ANKRD36C: variants seen among roughly 807,000 people sequenced by gnomAD.
ANKRD36C encodes the protein ankyrin repeat domain-containing protein 36C.
A neutral mutation model predicts 276.4 loss-of-function variants in ANKRD36C; 61 were observed. The observed-to-expected ratio is 0.22, with a 90% CI of 0.18 to 0.27. The LOEUF (loss-of-function observed/expected upper bound fraction) is 0.27. ANKRD36C is among the 10% of genes least tolerant of loss of function. ANKRD36C has a pLI of 1.00. For synonymous variants in ANKRD36C, 483 were observed against 680.1 expected (o/e 0.71, Z 4.51); for missense variants, 1,447 against 2,032.3 (o/e 0.71, Z 5.54).
exon 17 of ANKRD36C, chr2:95,948,544 C>A (rs777614346): frequency 3.3e-6 from 5 of 1,535,436 alleles, no homozygotes; most frequent in Non-Finnish European, 3.5e-6. Flanking sequence ...GATTCCAAAG[C>A]AAACTTATCC....
intron 6 of ANKRD36C, among the ~76,000 whole-genome samples, chr2:95,968,517 T>C (rs1334263498): frequency 6.6e-6 from 1 of 152,206 alleles, no homozygotes; most frequent in Admixed American, 6.5e-5. Context: ...GTCCCCCTTA[T>C]CTGCTGTATG....
chr2:95,903,205 C>T, intron 42 of ANKRD36C, 124 bp from the exon 53 acceptor site: 1 of 1,460,420 alleles, frequency 6.8e-7, no homozygotes, highest in Non-Finnish European at 9.3e-7. Context: ...TTGATGGCTT[C>T]TACTTTGTGT....
chr2:95,895,706 C>A lies in ANKRD36C; in HGVS notation c.2755+3439G>T. The A allele has an allele frequency of 2.0e-6, 3 of 1,512,984 alleles. No individual in the cohort carries two copies. In the South Asian group the frequency reaches 3.5e-5, roughly 18 times the overall value. The allele number at this position is 1,512,984 out of a possible 1,614,324, so 93.7% of individuals were successfully genotyped here. ...TCCTGCCTGTATTAGTGGAGGCTTT[C>A]ATGGCTTCTACTTTGTCTCAGGGGA... On this transcript the variant is annotated intron_variant, in intron 44 of 66. Coordinates refer to ENST00000456556, the Ensembl canonical transcript of ANKRD36C.
intron 40 of ANKRD36C, among the ~76,000 whole-genome samples, chr2:95,913,117 C>A (rs1408295143): frequency 6.7e-6 from 1 of 149,224 alleles, no homozygotes; most frequent in Non-Finnish European, 1.5e-5. Context: ...AATATATTAG[C>A]CTCAATAAAA....
chr2:95,956,016 G>A (rs796824864), intron 13 of ANKRD36C, among the ~76,000 whole-genome samples: 5 of 150,636 alleles, frequency 3.3e-5, no homozygotes, highest in African/African-American at 1.2e-4. Context: ...TGTCATAGAA[G>A]GAAAAAAGAA....
intron 10 of ANKRD36C, among the ~76,000 whole-genome samples, chr2:95,959,734 G>A (rs943030080): frequency 6.6e-6 from 1 of 152,214 alleles, no homozygotes; most frequent in African/African-American, 2.4e-5. Flanking sequence ...CAAAGCCAAT[G>A]TATGCATATT....
chr2:95,917,582 C>G (rs986066535), intron 36 of ANKRD36C, among the ~76,000 whole-genome samples: 7 of 151,500 alleles, frequency 4.6e-5, no homozygotes, highest in African/African-American at 1.7e-4. Flanking sequence ...ATGCTGTTCC[C>G]CAGAGCCCCT....
intron 6 of ANKRD36C, among the ~76,000 whole-genome samples, chr2:95,965,566 G>A (rs1410940493): frequency 1.3e-5 from 2 of 152,142 alleles, no homozygotes; most frequent in Non-Finnish European, 2.9e-5. Flanking sequence ...AGCTATGCTT[G>A]CTAGGATTTC....
At position 95,962,443 on chromosome 2, in the gene ANKRD36C, A is replaced by C. The variant is rs1300843826; in HGVS notation, c.829-19T>G. Reference sequence around the variant, plus strand: ...TTGTAGCCTGAGTGGGATTTGAAACAAAATAATCAATACGTAAAGTATTTT... The same window carrying C: ...TTGTAGCCTGAGTGGGATTTGAAACCAAATAATCAATACGTAAAGTATTTT... On this transcript the variant is annotated intron_variant, in intron 7 of 66. Coordinates refer to ENST00000456556, the Ensembl canonical transcript of ANKRD36C. The C allele has an allele frequency of 1.3e-6, 2 of 1,582,822 alleles. No homozygotes were observed. The highest frequency in any genetic ancestry group is 8.6e-7 in the Non-Finnish European group (1 of 1,165,720).
At chr2:95,910,494 A>G (rs778720582) in intron 42 of ANKRD36C, 46 bp downstream of exon 45, 2 of 1,602,428 alleles carry the variant, frequency 1.2e-6, no homozygotes, top group East Asian at 4.5e-5. Flanking sequence ...TATGTTTCAT[A>G]GACCATACAT....
chr2:95,977,607 C>T (rs1001804217), intron 6 of ANKRD36C, among the ~76,000 whole-genome samples: 10 of 151,972 alleles, frequency 6.6e-5, no homozygotes, highest in Non-Finnish European at 1.2e-4. Context: ...GCAAAAGCTT[C>T]CTTTCTCTAG....
chr2:95,914,372 G>T (rs1677028973), intron 38 of ANKRD36C, 69 bp from the exon 41 acceptor site: 2 of 1,514,774 alleles, frequency 1.3e-6, no homozygotes, highest in Non-Finnish European at 1.8e-6. Context: ...CATTCATGCA[G>T]TGTTAGCATC....
At chr2:95,858,951 C>CAG (rs143169258) in intron 61 of ANKRD36C, among the ~76,000 whole-genome samples, 1 of 151,626 alleles carries the variant, frequency 6.6e-6, no homozygotes. Flanking sequence ...ATCTACATAA[C>CAG]AGAGAGAGAG....
At chr2:95,885,538 C>T (rs1470169242) in intron 52 of ANKRD36C, among the ~76,000 whole-genome samples, 2 of 151,476 alleles carry the variant, frequency 1.3e-5, no homozygotes, top group African/African-American at 4.8e-5. Flanking sequence ...ACAGAAACCC[C>T]AAAATTACAT....
At chr2:95,868,876 T>G (rs1353290701) in intron 59 of ANKRD36C, among the ~76,000 whole-genome samples, 1 of 152,288 alleles carries the variant, frequency 6.6e-6, no homozygotes, top group Admixed American at 6.5e-5. Context: ...CTGCTTTAAC[T>G]TATTTGTGAT....
chr2:95,967,543 G>A (rs1463951924), intron 6 of ANKRD36C, among the ~76,000 whole-genome samples: 1 of 152,150 alleles, frequency 6.6e-6, no homozygotes, highest in African/African-American at 2.4e-5. Context: ...GTTGGTGGGA[G>A]TGTCAATTAG....
chr2:95,975,162 A>T (rs1678782642), intron 6 of ANKRD36C, among the ~76,000 whole-genome samples: 1 of 152,114 alleles, frequency 6.6e-6, no homozygotes, highest in Non-Finnish European at 1.5e-5. Context: ...TTCCATTCTC[A>T]TGGGTAGGAA....
chr2:95,947,907 A>C lies in ANKRD36C; in HGVS notation c.1362+623T>G, dbSNP rs75600457. Among the ~76,000 whole-genome samples, 13 of 152,054 alleles carry C rather than the reference A, an allele frequency of 8.5e-5. No homozygotes were observed. The East Asian group carries it at 2.3e-3, about 27-fold the overall frequency. ...GGATTAAGAAATTCTCCTGGCTTGA[A>C]CTCTTGAATAGGTGGGACTACAGGC... On this transcript the variant is annotated intron_variant, in intron 17 of 66. Transcript: ENST00000456556.
intron 5 of ANKRD36C, among the ~76,000 whole-genome samples, chr2:95,979,730 C>T (rs1427183828): frequency 6.6e-6 from 1 of 151,856 alleles, no homozygotes; most frequent in Non-Finnish European, 1.5e-5. Context: ...ATTTGAATAT[C>T]TGTGACAGTT....
Sources: gnomAD v4.1 joint callset for allele counts (sites outside exome capture counted in the v4.1 genomes callset) on GRCh38, gnomAD v4.1.1 for gene constraint, MANE v1.5 for transcripts, NCBI Gene and HGNC (gene_info 2026-07-23, HGNC 2026-07-21) for gene names.